The following MYT1L variants were observed in gnomAD, a reference collection of about 807,000 sequenced individuals.
MYT1L encodes the protein myelin transcription factor 1-like protein.
In MYT1L, 12 loss-of-function variants were observed where a neutral mutation model predicts 126.7. The ratio of observed to expected loss-of-function variants is 0.09; its 90% confidence interval spans 0.06 to 0.15. MYT1L has a LOEUF of 0.15. Ranked by LOEUF, MYT1L falls within the 10% of genes least tolerant of loss-of-function variation. MYT1L has a pLI of 1.00. For synonymous variants in MYT1L, 541 were observed against 604.2 expected (o/e 0.90, Z 1.53); for missense variants, 979 against 1,585.2 (o/e 0.62, Z 6.49).
intron 8 of MYT1L, among the ~76,000 whole-genome samples, chr2:1,976,119 C>A (rs1402025062): frequency 1.7e-3 from 172 of 104,018 alleles, no homozygotes; most frequent in African/African-American, 1.7e-3. Context: ...GTTAAAAGAC[C>A]AAAAAAAAAA....
chr2:1,976,875 T>G (rs2060227636), intron 8 of MYT1L, among the ~76,000 whole-genome samples: 1 of 152,198 alleles, frequency 6.6e-6, no homozygotes, highest in Non-Finnish European at 1.5e-5. Context: ...TTGCACCGTT[T>G]TACATAATAA....
chr2:1,804,966 G>A (rs554284549), intron 22 of MYT1L, among the ~76,000 whole-genome samples: 3 of 152,078 alleles, frequency 2.0e-5, no homozygotes, highest in East Asian at 3.9e-4. Flanking sequence ...CCCACTACCC[G>A]CCAAAAAGCC....
At chr2:1,876,980 AG>A (rs2046990982) in intron 18 of MYT1L, among the ~76,000 whole-genome samples, 1 of 152,212 alleles carries the variant, frequency 6.6e-6, no homozygotes, top group South Asian at 2.1e-4. Flanking sequence ...CCTTATGACC[AG>A]GGTCCCACGG....
chr2:2,059,420 G>A lies in MYT1L; in HGVS notation c.-303-5297C>T, dbSNP rs1558882239. On this transcript the variant is annotated intron_variant, in intron 3 of 24. Transcript: ENST00000647738. The surrounding 1 kb of genome is among the most constrained non-coding windows in gnomAD (Gnocchi z 4.7). ...CACCCGGCGGCGGTCTCACAGCACC[G>A]CAGGAAGCACCCAATGGTCTCACTT... Among the ~76,000 whole-genome samples the A allele has an allele frequency of 1.3e-5, 2 of 152,260 alleles. No homozygotes were observed. Among genetic ancestry groups the A allele is most frequent in the Admixed American group, 6.5e-5 (1 of 15,294 alleles).
At chr2:1,803,377 A>T (rs1415438949) in intron 22 of MYT1L, among the ~76,000 whole-genome samples, 1 of 152,138 alleles carries the variant, frequency 6.6e-6, no homozygotes, top group East Asian at 1.9e-4. Context: ...CAAATTTCTC[A>T]AGCACATTCC....
At chr2:2,072,289 C>T (rs899447772) in intron 3 of MYT1L, among the ~76,000 whole-genome samples, 1 of 152,192 alleles carries the variant, frequency 6.6e-6, no homozygotes, top group Non-Finnish European at 1.5e-5. Flanking sequence ...ATTTTGCCTA[C>T]CACCTATGTG....
At chr2:2,061,661 C>T (rs1467794956) in intron 3 of MYT1L, among the ~76,000 whole-genome samples, 1 of 152,136 alleles carries the variant, frequency 6.6e-6, no homozygotes, top group African/African-American at 2.4e-5. Flanking sequence ...AGCTCCCTGT[C>T]ACCCAATGGA....
At chr2:2,090,803 A>G (rs190120389) in intron 3 of MYT1L, among the ~76,000 whole-genome samples, 2 of 152,286 alleles carry the variant, frequency 1.3e-5, no homozygotes, top group Admixed American at 1.3e-4. Flanking sequence ...AATATTCTAA[A>G]TTCTTGTTGT....
At chr2:2,263,749 C>T (rs2095052065) in intron 2 of MYT1L, among the ~76,000 whole-genome samples, 2 of 152,134 alleles carry the variant, frequency 1.3e-5, no homozygotes, top group South Asian at 2.1e-4. Flanking sequence ...CTCAGACGCT[C>T]CTGGCATCTG....
At chr2:2,020,594 G>A (rs1443785590) in intron 4 of MYT1L, among the ~76,000 whole-genome samples, 1 of 152,082 alleles carries the variant, frequency 6.6e-6, no homozygotes, top group Non-Finnish European at 1.5e-5. Flanking sequence ...TTATTACATT[G>A]TTTATATGCA....
intron 8 of MYT1L, among the ~76,000 whole-genome samples, chr2:1,949,470 T>C (rs546830204): frequency 3.3e-5 from 5 of 152,152 alleles, no homozygotes; most frequent in Admixed American, 2.0e-4. Flanking sequence ...TCTTTTGTGG[T>C]TAACTCGGTG....
At chr2:2,156,529 T>C (rs559291035) in intron 3 of MYT1L, among the ~76,000 whole-genome samples, 5 of 152,342 alleles carry the variant, frequency 3.3e-5, no homozygotes, top group Non-Finnish European at 7.4e-5. Flanking sequence ...ATAAGCAAAT[T>C]TGAAAAAAGT....
At chr2:2,267,738 G>A (rs990506961) in intron 2 of MYT1L, among the ~76,000 whole-genome samples, 1 of 152,100 alleles carries the variant, frequency 6.6e-6, no homozygotes, top group African/African-American at 2.4e-5. Context: ...CAGGGGCATC[G>A]AAGGAGAAAT....
At chr2:1,963,717 C>T (rs999402098) in intron 8 of MYT1L, among the ~76,000 whole-genome samples, 3 of 152,238 alleles carry the variant, frequency 2.0e-5, no homozygotes, top group Non-Finnish European at 4.4e-5. Context: ...ATAAACCCAC[C>T]TCTGCTAGTT....
In MYT1L at chr2:1,938,496, G is replaced by A. The variant is rs546860514; in HGVS notation, c.505+4486C>T. ...AAAGACCAGCCTATGGTAGGTCTAC[G>A]TATAATAAATATAACTTTGCTTAAT... On this transcript the variant is annotated intron_variant, in intron 9 of 24. Transcript: ENST00000647738. 5.9e-5 allele frequency among the ~76,000 whole-genome samples: 9 copies of A among 152,286 alleles called. No individual in the cohort carries two copies. In the South Asian group the frequency reaches 1.2e-3, roughly 21 times the overall value.
At chr2:1,956,619 T>TGTATCTAC (rs1553355915) in intron 8 of MYT1L, among the ~76,000 whole-genome samples, 1 of 134,264 alleles carries the variant, frequency 7.4e-6, no homozygotes, top group African/African-American at 2.8e-5. Flanking sequence ...TATCTATCTA[T>TGTATCTAC]CTACCTACCT....
At chr2:1,915,738 A>G (rs377059787) in intron 11 of MYT1L, among the ~76,000 whole-genome samples, 19 of 152,222 alleles carry the variant, frequency 1.2e-4, no homozygotes, top group African/African-American at 4.3e-4. Context: ...TCGGATACGG[A>G]TTTACATCTT....
At chr2:1,995,574 G>A (rs376900067) in intron 5 of MYT1L, among the ~76,000 whole-genome samples, 4 of 152,192 alleles carry the variant, frequency 2.6e-5, no homozygotes, top group East Asian at 3.8e-4. Flanking sequence ...CAGCACAGCC[G>A]CTGTAGGGGG....
intron 1 of MYT1L, among the ~76,000 whole-genome samples, chr2:2,322,221 C>T (rs756227262): frequency 8.6e-5 from 13 of 151,312 alleles, no homozygotes; most frequent in Admixed American, 2.0e-4. Flanking sequence ...TCTATGGCTT[C>T]GGTGAGCAGA....
Sources: allele counts gnomAD v4.1 joint callset (sites outside exome capture counted in the v4.1 genomes callset), GRCh38; gene constraint gnomAD v4.1.1; non-coding constraint Gnocchi (gnomAD v3.1); transcripts MANE v1.5; gene names NCBI Gene and HGNC (gene_info 2026-07-23, HGNC 2026-07-21).